NME9: variants seen among roughly 807,000 people sequenced by gnomAD.
NME9 encodes thioredoxin domain-containing protein 6.
Under a neutral mutation model 44.4 loss-of-function variants are expected in NME9, and 48 were observed. That is an observed-to-expected ratio of 1.08 (90% confidence interval 0.86 to 1.37). NME9 has a LOEUF of 1.37. NME9 is among the 40% of genes most tolerant of loss of function. The pLI, the probability that NME9 is intolerant of heterozygous loss-of-function variation, is 0.00. For synonymous variants in NME9, 139 were observed against 147.1 expected (o/e 0.94, Z 0.40); for missense variants, 325 against 405.2 (o/e 0.80, Z 1.70).
Position 138,303,582 on chromosome 3 carries a change from C to T in NME9, c.853G>A (p.Glu285Lys). 6.2e-7 allele frequency: 1 copy of T among 1,614,012 alleles called. No individual in the cohort carries two copies. Among genetic ancestry groups the T allele is most frequent in the South Asian group, 1.1e-5 (1 of 91,084 alleles). ...AATGCCAGTTCTCTGTCAGCATCTT[C>T]TCTGTCCCGGCTTCCATGGACGGCA... ...FNAVHGSRDR[E>K]DADRELALLF... Residue 285 changes from glutamate (E) to lysine (K), a missense_variant, in exon 10 of 11, where the codon GAA becomes AAA. Coordinates refer to ENST00000333911, the MANE Select transcript of NME9 (RefSeq NM_001349018.2).
intron 8 of NME9, among the ~76,000 whole-genome samples, chr3:138,292,681 T>C (rs529833171): frequency 1.3e-5 from 2 of 152,120 alleles, no homozygotes; most frequent in East Asian, 3.9e-4. Context: ...GAGTTCTTGT[T>C]TGGGTATGCC....
chr3:138,309,248 A>G (rs1043463032), intron 6 of NME9, among the ~76,000 whole-genome samples: 5 of 151,992 alleles, frequency 3.3e-5, no homozygotes, highest in African/African-American at 1.2e-4. Context: ...GCAGTGAGCC[A>G]AGATTGTGCC....
chr3:138,302,147 G>C (rs569855032), intron 10 of NME9, among the ~76,000 whole-genome samples: 11 of 152,240 alleles, frequency 7.2e-5, no homozygotes, highest in Middle Eastern at 3.4e-3. Flanking sequence ...CAGGAATAGT[G>C]CTAACTACAG....
chr3:138,308,110 A>G (rs2052411711), intron 6 of NME9, among the ~76,000 whole-genome samples: 1 of 152,120 alleles, frequency 6.6e-6, no homozygotes, highest in Non-Finnish European at 1.5e-5. Context: ...TTGGGAGGAA[A>G]TCATGGAGGA....
Position 138,301,200 on chromosome 3 carries a change from CTT to C in NME9, c.*438_*439del. 5 of 728,436 alleles carry C rather than the reference CTT, an allele frequency of 6.9e-6. No individual in the cohort carries two copies. The highest frequency in any genetic ancestry group is 6.7e-6 in the Non-Finnish European group (4 of 598,140). The allele number at this position is 728,436 out of a possible 1,614,324, so 45.1% of individuals were successfully genotyped here. ...AAGTATATACTATTCTCTTTCTTTA[CTT>C]TTTTTTTTATTATTATTATTAAGAT... On this transcript the variant is annotated 3_prime_UTR_variant, in exon 11 of 11. Transcript: ENST00000333911.
chr3:138,269,864 A>G (rs1056896139), intron 8 of NME9, among the ~76,000 whole-genome samples: 1 of 147,292 alleles, frequency 6.8e-6, no homozygotes, highest in African/African-American at 2.5e-5. Flanking sequence ...TGAGAAAATA[A>G]TTGTCTTTGC....
rs188209923 is a variant in NME9 at position 138,312,465 on chromosome 3, C to T, written c.460+1867G>A. On this transcript the variant is annotated intron_variant, in intron 6 of 10. Transcript: ENST00000333911. ...TGTAAATCCACACATTTATAGCCAG[C>T]TCATTTTCAACAAAGGTGCCAAGAA... Among the ~76,000 whole-genome samples the T allele has an allele frequency of 1.1e-4, 17 of 152,240 alleles. No homozygotes were observed. The East Asian group carries it at 2.7e-3, about 24-fold the overall frequency.
At position 138,263,701 on chromosome 3, in the gene NME9, C is replaced by A. The variant is rs768046422; in HGVS notation, c.746-1115G>T. The A allele has an allele frequency of 2.0e-6, 3 of 1,526,328 alleles. No individual in the cohort carries two copies. In the East Asian group the frequency reaches 6.7e-5, roughly 34 times the overall value. The allele number at this position is 1,526,328 out of a possible 1,614,324, so 94.5% of individuals were successfully genotyped here. Reference sequence around the variant, plus strand: ...TACAAGCAGTGAAGTTTGTCACCTTCATGTTGTTATTTATGCAGCATTAAC... The same window carrying A: ...TACAAGCAGTGAAGTTTGTCACCTTAATGTTGTTATTTATGCAGCATTAAC... On this transcript the variant is annotated intron_variant, in intron 8 of 8. Coordinates refer to the NME9 transcript ENST00000317876.
intron 8 of NME9, among the ~76,000 whole-genome samples, chr3:138,264,665 G>A (rs530517484): frequency 3.2e-4 from 49 of 151,588 alleles, no homozygotes; most frequent in Non-Finnish European, 6.5e-4. Flanking sequence ...TGATCTGCCC[G>A]CCTCGGCCCT....
intron 6 of NME9, among the ~76,000 whole-genome samples, chr3:138,310,455 C>T (rs895952630): frequency 5.3e-5 from 8 of 151,292 alleles, no homozygotes; most frequent in African/African-American, 1.5e-4. Flanking sequence ...CCAACTGCTA[C>T]AGAAAAGACA....
chr3:138,267,093 T>G, intron 8 of NME9: 2 of 831,372 alleles, frequency 2.4e-6, no homozygotes, highest in Middle Eastern at 3.1e-4. Flanking sequence ...ATTTTATATC[T>G]CATTTTATAT....
At chr3:138,304,755 C>T in intron 9 of NME9, 118 bp downstream of exon 9, 1 of 984,944 alleles carries the variant, frequency 1.0e-6, no homozygotes, top group Non-Finnish European at 1.5e-6. Flanking sequence ...AATAGAGAGC[C>T]TGGCCATCAG....
At chr3:138,279,994 C>T (rs928126197) in intron 8 of NME9, among the ~76,000 whole-genome samples, 22 of 151,526 alleles carry the variant, frequency 1.5e-4, no homozygotes, top group Middle Eastern at 3.2e-3. Flanking sequence ...ACCTCTGCCT[C>T]CCGGGTTCAA....
At chr3:138,288,719 C>A (rs1258114787) in intron 8 of NME9, among the ~76,000 whole-genome samples, 2 of 150,950 alleles carry the variant, frequency 1.3e-5, no homozygotes, top group Non-Finnish European at 2.9e-5. Flanking sequence ...CTCACTGCAA[C>A]CTCTGCCTCC....
At chr3:138,289,588 A>G (rs962885367) in intron 8 of NME9, among the ~76,000 whole-genome samples, 4 of 152,188 alleles carry the variant, frequency 2.6e-5, no homozygotes, top group Non-Finnish European at 5.9e-5. Context: ...GGAGGCCTGT[A>G]TAGATCAGAG....
intron 8 of NME9, among the ~76,000 whole-genome samples, chr3:138,291,075 C>T (rs1252230854): frequency 1.3e-5 from 2 of 152,248 alleles, no homozygotes; most frequent in African/African-American, 2.4e-5. Context: ...CCTCAAAGAG[C>T]TCATCATTTC....
At chr3:138,283,078 G>C (rs2050095817) in intron 8 of NME9, among the ~76,000 whole-genome samples, 1 of 152,166 alleles carries the variant, frequency 6.6e-6, no homozygotes, top group Admixed American at 6.5e-5. Flanking sequence ...TAGTTCCCCA[G>C]TGTTTGCTTA....
At chr3:138,327,173 A>C (rs2053851060) in intron 1 of NME9, 2 of 151,842 alleles carry the variant, frequency 1.3e-5, no homozygotes, top group Non-Finnish European at 2.9e-5. Context: ...AAAAAAAAAA[A>C]AAAGTCTCTC....
chr3:138,263,954 A>G (rs2048003360), intron 8 of NME9: 2 of 1,009,348 alleles, frequency 2.0e-6, no homozygotes, highest in African/African-American at 3.2e-5. Flanking sequence ...CATAGAGTAT[A>G]TAACATTGTC....
Sources: gnomAD v4.1 joint callset for allele counts (sites outside exome capture counted in the v4.1 genomes callset) on GRCh38, gnomAD v4.1.1 for gene constraint, MANE v1.5 for transcripts, NCBI Gene and HGNC (gene_info 2026-07-23, HGNC 2026-07-21) for gene names.